COL10A1: variants seen among roughly 807,000 people sequenced by gnomAD.
COL10A1 encodes collagen type X alpha 1 chain, also known as collagen alpha-1(X) chain.
COL10A1 carries 10 observed loss-of-function variants against 18.2 expected under a neutral mutation model. The observed-to-expected ratio is 0.55, with a 90% CI of 0.34 to 0.93. The LOEUF is 0.93. COL10A1 is among the 40% of genes least tolerant of loss of function. The pLI is 0.02. For missense variants in COL10A1, 897 were observed against 853.5 expected, an observed-to-expected ratio of 1.05 and a Z score of -0.64; for synonymous variants, 330 against 316.6, an observed-to-expected ratio of 1.04 and a Z score of -0.45.
intron 1 of COL10A1, among the ~76,000 whole-genome samples, chr6:116,148,019 T>G (rs1193710836): frequency 6.6e-6 from 1 of 151,308 alleles, no homozygotes; most frequent in East Asian, 1.9e-4. Context: ...TGGAGGCACC[T>G]TGTTGTGGAC....
chr6:116,179,355 G>T, the COL10A1 span, among the ~76,000 whole-genome samples: 33 of 152,150 alleles, frequency 2.2e-4, no homozygotes, highest in Admixed American at 5.2e-4. Context: ...TTTCTTCAGA[G>T]AATTGGGGTT....
At chr6:116,182,496 C>A in the COL10A1 span, among the ~76,000 whole-genome samples, 62 of 152,192 alleles carry the variant, frequency 4.1e-4, no homozygotes, top group African/African-American at 1.5e-3. Flanking sequence ...AGTTTACATA[C>A]CCACCAACAG....
upstream of COL10A1, among the ~76,000 whole-genome samples, chr6:116,128,891 TTTG>T (rs1207098317): frequency 6.6e-6 from 1 of 152,170 alleles, no homozygotes; most frequent in Non-Finnish European, 1.5e-5. Context: ...TACATTGGTT[TTTG>T]TTATTTGTGT....
intron 1 of COL10A1, among the ~76,000 whole-genome samples, chr6:116,148,510 T>A (rs1485166185): frequency 1.3e-5 from 2 of 152,186 alleles, no homozygotes; most frequent in Non-Finnish European, 1.5e-5. Flanking sequence ...TGCAGTGCCT[T>A]AGGATCGTCA....
intron 2 of COL10A1, among the ~76,000 whole-genome samples, chr6:116,122,870 T>C (rs956433340): frequency 1.3e-5 from 2 of 152,170 alleles, no homozygotes; most frequent in East Asian, 1.9e-4. Flanking sequence ...TTGATTAATA[T>C]AAATACATAG....
At chr6:116,216,494 C>G in the COL10A1 span, among the ~76,000 whole-genome samples, 2 of 151,702 alleles carry the variant, frequency 1.3e-5, no homozygotes, top group Non-Finnish European at 2.9e-5. Context: ...ATCTGGAAAT[C>G]AGATACTGTT....
At chr6:116,178,069 G>GCA in the COL10A1 span, among the ~76,000 whole-genome samples, 1 of 109,590 alleles carries the variant, frequency 9.1e-6, no homozygotes, top group African/African-American at 4.3e-5. Flanking sequence ...GTGTGTGTGT[G>GCA]TGTGTGTGTG....
chr6:116,216,159 T>C, the COL10A1 span, among the ~76,000 whole-genome samples: 2 of 152,064 alleles, frequency 1.3e-5, no homozygotes, highest in African/African-American at 4.8e-5. Context: ...TTTAAGATAA[T>C]TGGCAACAGT....
chr6:116,175,286 G>A, the COL10A1 span, among the ~76,000 whole-genome samples: 4 of 151,928 alleles, frequency 2.6e-5, no homozygotes, highest in Non-Finnish European at 5.9e-5. Context: ...TGACACTATA[G>A]GTTAGTTTTA....
In COL10A1 at chr6:116,121,746, C is replaced by T; in HGVS notation, c.370G>A (p.Gly124Arg). ...PGKPGERGPY[G>R]PKGDVGPAGL... ...GCTGGTCCAACATCTCCTTTTGGTC[C>T]ATATGGTCCTCTCTCTCCTGGTTTT... The change falls in exon 3 of 3, where the codon GGA (glycine) becomes AGA (arginine). Residue 124 changes from glycine to arginine, a missense_variant. Transcript: ENST00000651968. 6.2e-7 allele frequency: 1 copy of T among 1,613,958 alleles called. No individual in the cohort carries two copies. Among genetic ancestry groups the T allele is most frequent in the South Asian group, 1.1e-5 (1 of 91,046 alleles).
chr6:116,208,840 T>A, the COL10A1 span, among the ~76,000 whole-genome samples: 1 of 151,992 alleles, frequency 6.6e-6, no homozygotes, highest in African/African-American at 2.4e-5. Context: ...TTTAAAGAGA[T>A]GGCAGAGTAA....
At chr6:116,127,129 C>T (rs1326824549), upstream of COL10A1, among the ~76,000 whole-genome samples, 1 of 152,142 alleles carries the variant, frequency 6.6e-6, no homozygotes, top group Non-Finnish European at 1.5e-5. Flanking sequence ...CAATTCCATA[C>T]ACAGGCATAG....
chr6:116,206,045 A>AGGTTCT, the COL10A1 span, among the ~76,000 whole-genome samples: 2 of 151,950 alleles, frequency 1.3e-5, no homozygotes, highest in African/African-American at 4.8e-5. Context: ...TCCTGGAAGT[A>AGGTTCT]ACAAAAAGTA....
chr6:116,152,485 C>T (rs1168561918), intron 1 of COL10A1, among the ~76,000 whole-genome samples: 1 of 151,984 alleles, frequency 6.6e-6, no homozygotes, highest in Non-Finnish European at 1.5e-5. Context: ...GATTATCTAC[C>T]CCACCGTGCC....
the COL10A1 span, among the ~76,000 whole-genome samples, chr6:116,188,074 G>A: frequency 6.6e-6 from 1 of 151,896 alleles, no homozygotes; most frequent in East Asian, 1.9e-4. Context: ...ACTCTAAATG[G>A]CCAATAAACA....
In COL10A1 at chr6:116,151,558, A is replaced by G. The variant is rs543003970; in HGVS notation, c.-16+7056T>C. Among the ~76,000 whole-genome samples the G allele has an allele frequency of 2.0e-5, 3 of 152,346 alleles. No individual in the cohort carries two copies. The East Asian group carries it at 5.8e-4, about 29-fold the overall frequency. Reference sequence around the variant, plus strand: ...AATATAAGACTATTAAGTAATGTATATATGTGGCCTGTTGGTATGCTTTTA... The same window carrying G: ...AATATAAGACTATTAAGTAATGTATGTATGTGGCCTGTTGGTATGCTTTTA... On this transcript the variant is annotated intron_variant, in intron 1 of 1. Coordinates refer to the COL10A1 transcript ENST00000418500.
the COL10A1 span, among the ~76,000 whole-genome samples, chr6:116,178,518 G>A: frequency 6.6e-6 from 1 of 152,162 alleles, no homozygotes; most frequent in Non-Finnish European, 1.5e-5. Context: ...AAAACTAACC[G>A]ACTTCCAGTC....
the COL10A1 span, among the ~76,000 whole-genome samples, chr6:116,164,727 T>C: frequency 1.7e-4 from 26 of 152,184 alleles, no homozygotes; most frequent in Non-Finnish European, 3.7e-4. Flanking sequence ...TGTTTCCTTT[T>C]AGCATTTTTG....
the COL10A1 span, among the ~76,000 whole-genome samples, chr6:116,215,374 A>G: frequency 1.3e-4 from 20 of 152,262 alleles, no homozygotes; most frequent in East Asian, 1.7e-3. Flanking sequence ...TAAGCTCTAT[A>G]TTTTGAAGTT....
Sources: allele counts gnomAD v4.1 joint callset (sites outside exome capture counted in the v4.1 genomes callset), GRCh38; gene constraint gnomAD v4.1.1; transcripts MANE v1.5; gene names NCBI Gene and HGNC (gene_info 2026-07-23, HGNC 2026-07-21).